The following VDAC1 variants were observed in gnomAD, a reference collection of about 807,000 sequenced individuals.
VDAC1 encodes non-selective voltage-gated ion channel VDAC1.
In VDAC1, 10 loss-of-function variants were observed where a neutral mutation model predicts 34.7. The ratio of observed to expected loss-of-function variants is 0.29; its 90% CI spans 0.18 to 0.49. The LOEUF is 0.49. Among genes scored for constraint, VDAC1 ranks in the 20% least tolerant of loss-of-function variants. The probability of loss-of-function intolerance (pLI) is 0.99; values close to 1 mark genes in which losing one functional copy is unlikely to be tolerated. For synonymous variants in VDAC1, 130 were observed against 136.0 expected (o/e 0.96, Z 0.30); for missense variants, 230 against 347.9 (o/e 0.66, Z 2.69).
chr5:134,067,451 AG>A, the VDAC1 span, among the ~76,000 whole-genome samples: 2 of 143,296 alleles, frequency 1.4e-5, no homozygotes, highest in Non-Finnish European at 3.1e-5. Flanking sequence ...AAAAAAAAAA[AG>A]TTATATATTC....
At chr5:134,053,467 G>C in the VDAC1 span, among the ~76,000 whole-genome samples, 1 of 152,220 alleles carries the variant, frequency 6.6e-6, no homozygotes, top group African/African-American at 2.4e-5. Context: ...CCTGTGAGCC[G>C]TGCCAGGGGC....
chr5:133,986,543 T>C (rs149053815), intron 5 of VDAC1, among the ~76,000 whole-genome samples: 5,116 of 152,056 alleles, frequency 0.034, 122 homozygotes, highest in Middle Eastern at 0.051. Context: ...ATTACAGGTG[T>C]GCGCCACCAC....
At chr5:134,042,265 C>T in the VDAC1 span, among the ~76,000 whole-genome samples, 1 of 152,118 alleles carries the variant, frequency 6.6e-6, no homozygotes, top group African/African-American at 2.4e-5. Flanking sequence ...GGGGACCAGG[C>T]CCTGATAGCG....
At chr5:134,015,727 C>T in the VDAC1 span, among the ~76,000 whole-genome samples, 1 of 151,964 alleles carries the variant, frequency 6.6e-6, no homozygotes, top group Non-Finnish European at 1.5e-5. Context: ...TCACTGCAAC[C>T]TCCGCCTCCC....
upstream of VDAC1, chr5:134,005,520 T>G (rs979537767): frequency 6.6e-6 from 1 of 152,236 alleles, no homozygotes; most frequent in Non-Finnish European, 1.5e-5. Flanking sequence ...TTTCCATGCA[T>G]TTGAGAGGCA....
At chr5:133,981,077 T>A in intron 5 of VDAC1, 121 bp from the exon 6 acceptor site, 1 of 776,284 alleles carries the variant, frequency 1.3e-6, no homozygotes, top group Non-Finnish European at 2.1e-6. Flanking sequence ...AAGTCAGGGC[T>A]CCAGTTCTCC....
Position 133,991,004 on chromosome 5 carries a change from G to T in VDAC1, c.268C>A (p.Gln90Lys), listed in dbSNP as rs1477871258. 6.2e-7 allele frequency: 1 copy of T among 1,614,080 alleles called. No individual in the cohort carries two copies. Among genetic ancestry groups the T allele is most frequent in the Admixed American group, 1.7e-5 (1 of 60,014 alleles). The change falls in exon 4 of 9, where the codon CAG becomes AAG. Residue 90 changes from glutamine (Q) to lysine (K), a missense_variant and splice_region_variant. Coordinates refer to ENST00000265333, the MANE Select transcript of VDAC1 (RefSeq NM_003374.3). ...CATCTTTTCACAGCAGCCATTACCT[G>T]ATCTTCCACAGTAATCTCGGTGCCT... ...TLGTEITVED[Q>K]LARGLKLTFD... is the part of the protein sequence containing the mutation.
the VDAC1 span, among the ~76,000 whole-genome samples, chr5:134,066,551 T>C: frequency 6.6e-6 from 1 of 152,218 alleles, no homozygotes; most frequent in African/African-American, 2.4e-5. Flanking sequence ...GCTTTTGCAG[T>C]GAAATCAAAT....
chr5:134,065,040 C>A, the VDAC1 span, among the ~76,000 whole-genome samples: 1 of 151,912 alleles, frequency 6.6e-6, no homozygotes, highest in African/African-American at 2.4e-5. Context: ...TTTTTATTTC[C>A]TTTTTTACTA....
chr5:134,068,674 T>C, the VDAC1 span, among the ~76,000 whole-genome samples: 1 of 152,168 alleles, frequency 6.6e-6, no homozygotes, highest in African/African-American at 2.4e-5. Flanking sequence ...TATAAAGTGA[T>C]TTATATTTTC....
the VDAC1 span, among the ~76,000 whole-genome samples, chr5:134,012,033 G>A: frequency 6.6e-6 from 1 of 151,974 alleles, no homozygotes; most frequent in Admixed American, 6.6e-5. Flanking sequence ...GAGAGAGACA[G>A]AGAGAGAAAG....
At chr5:134,013,263 C>T in the VDAC1 span, among the ~76,000 whole-genome samples, 4 of 152,252 alleles carry the variant, frequency 2.6e-5, no homozygotes, top group South Asian at 2.1e-4. Flanking sequence ...GGCAAAAACC[C>T]GTCTGTACAA....
the VDAC1 span, among the ~76,000 whole-genome samples, chr5:134,034,674 G>A: frequency 2.9e-4 from 44 of 152,196 alleles, no homozygotes; most frequent in Admixed American, 2.9e-3. Context: ...CACCCAGCTT[G>A]TGGTAACTTG....
At chr5:133,980,690 C>CGG in intron 6 of VDAC1, 39 bp downstream of exon 6, 5 of 386,740 alleles carry the variant, frequency 1.3e-5, no homozygotes, top group Non-Finnish European at 1.6e-5. Flanking sequence ...CATGCTCCAA[C>CGG]CCCACCCCTC....
At chr5:134,016,390 C>T in the VDAC1 span, among the ~76,000 whole-genome samples, 2 of 152,144 alleles carry the variant, frequency 1.3e-5, no homozygotes, top group African/African-American at 4.8e-5. Flanking sequence ...AGGGCTTCCC[C>T]CTTTGCTCAG....
chr5:134,044,212 A>G, the VDAC1 span, among the ~76,000 whole-genome samples: 1 of 152,222 alleles, frequency 6.6e-6, no homozygotes, highest in African/African-American at 2.4e-5. Context: ...AAGGTAGGTT[A>G]TGATTGGCAG....
the VDAC1 span, among the ~76,000 whole-genome samples, chr5:134,025,492 C>CA: frequency 8.5e-5 from 13 of 152,096 alleles, 1 homozygote; most frequent in Admixed American, 4.6e-4. Flanking sequence ...GTGAGGGCAG[C>CA]AGTAGGGGTG....
intron 6 of VDAC1, 27 bp downstream of exon 6, chr5:133,980,702 C>A: frequency 3.4e-6 from 3 of 885,126 alleles, no homozygotes; most frequent in East Asian, 2.6e-5. Context: ...CCACCCCTCC[C>A]ACCCTGCTGC....
At chr5:134,101,552 C>T in the VDAC1 span, among the ~76,000 whole-genome samples, 1 of 149,640 alleles carries the variant, frequency 6.7e-6, no homozygotes, top group Non-Finnish European at 1.5e-5. Context: ...GAGCGAGACT[C>T]TGTCTCAAAA....
Sources: allele counts gnomAD v4.1 joint callset (sites outside exome capture counted in the v4.1 genomes callset), GRCh38; gene constraint gnomAD v4.1.1; transcripts MANE v1.5; gene names NCBI Gene and HGNC (gene_info 2026-07-23, HGNC 2026-07-21).